FOXP2: variants seen among roughly 807,000 people sequenced by gnomAD.
The protein encoded by FOXP2 is forkhead box protein P2.
A neutral mutation model predicts 115.8 loss-of-function variants in FOXP2; 12 were observed. The ratio of observed to expected loss-of-function variants is 0.10; its 90% CI spans 0.07 to 0.17. The LOEUF (loss-of-function observed/expected upper bound fraction) is 0.17, where lower values mean the gene tolerates loss of function less well. Among genes scored for constraint, FOXP2 ranks in the 10% least tolerant of loss-of-function variants. The probability of loss-of-function intolerance (pLI) is 1.00; values close to 1 mark genes in which losing one functional copy is unlikely to be tolerated. For synonymous variants in FOXP2, 328 were observed against 297.7 expected, an observed-to-expected ratio of 1.10 and a Z score of -1.05; for missense variants, 629 against 843.5, an observed-to-expected ratio of 0.75 and a Z score of 3.15.
chr7:114,551,658 G>A (rs936636993), intron 3 of FOXP2, among the ~76,000 whole-genome samples: 4 of 152,000 alleles, frequency 2.6e-5, no homozygotes, highest in Non-Finnish European at 4.4e-5. Context: ...AAGGAAAATG[G>A]GAGAGTATCA....
At chr7:114,475,458 G>A (rs943790980) in intron 2 of FOXP2, among the ~76,000 whole-genome samples, 1 of 152,014 alleles carries the variant, frequency 6.6e-6, no homozygotes, top group Non-Finnish European at 1.5e-5. Flanking sequence ...GAAATTCTGT[G>A]CATATATGTT....
chr7:114,114,843 A>G (rs912866538), intron 1 of FOXP2, among the ~76,000 whole-genome samples: 6 of 152,156 alleles, frequency 3.9e-5, no homozygotes, highest in Admixed American at 6.6e-5. Context: ...ACTTGTATTA[A>G]ATAATCCAAG....
At chr7:114,367,043 G>A (rs1791898371) in intron 2 of FOXP2, among the ~76,000 whole-genome samples, 2 of 152,038 alleles carry the variant, frequency 1.3e-5, no homozygotes, top group Admixed American at 6.6e-5. Flanking sequence ...TGTGCATTGT[G>A]CAGAGGCTAA....
intron 10 of FOXP2, 111 bp downstream of exon 10, chr7:114,654,120 C>A: frequency 6.3e-7 from 1 of 1,587,198 alleles, no homozygotes. Context: ...AAAAATACGG[C>A]AATAAAATGA....
At chr7:114,161,741 C>A (rs1164567013), upstream of FOXP2, among the ~76,000 whole-genome samples, 1 of 151,970 alleles carries the variant, frequency 6.6e-6, no homozygotes, top group Non-Finnish European at 1.5e-5. Flanking sequence ...CAAGATAAGG[C>A]AAGGGGATGT....
chr7:114,504,391 T>C (rs1217621861), intron 2 of FOXP2, among the ~76,000 whole-genome samples: 2 of 151,616 alleles, frequency 1.3e-5, no homozygotes, highest in Non-Finnish European at 3.0e-5. Flanking sequence ...CCTGTACTTA[T>C]GTAGATTATA....
chr7:114,290,136 A>AT (rs1218742949), intron 2 of FOXP2, among the ~76,000 whole-genome samples: 2 of 151,832 alleles, frequency 1.3e-5, no homozygotes, highest in Non-Finnish European at 2.9e-5. Context: ...AAAATACTGG[A>AT]TTTTTTCTTC....
chr7:114,631,965 T>G (rs1319124361), intron 6 of FOXP2, among the ~76,000 whole-genome samples: 1 of 152,216 alleles, frequency 6.6e-6, no homozygotes, highest in Non-Finnish European at 1.5e-5. Context: ...GGGCACAAAA[T>G]GATTTATAAG....
intron 2 of FOXP2, among the ~76,000 whole-genome samples, chr7:114,444,824 A>T (rs1284680118): frequency 6.6e-6 from 1 of 152,148 alleles, no homozygotes; most frequent in Non-Finnish European, 1.5e-5. Context: ...TTAACATTTT[A>T]AAAGTTCAAA....
chr7:114,359,831 G>T (rs989516654), intron 2 of FOXP2, among the ~76,000 whole-genome samples: 2 of 152,296 alleles, frequency 1.3e-5, no homozygotes, highest in African/African-American at 2.4e-5. Flanking sequence ...GATTTTACAG[G>T]CTCATAGGTG....
chr7:114,347,322 A>G (rs1271082582), intron 2 of FOXP2, among the ~76,000 whole-genome samples: 2 of 151,994 alleles, frequency 1.3e-5, no homozygotes, highest in African/African-American at 4.8e-5. Context: ...ACGCACACAT[A>G]TAGATACATA....
chr7:114,358,491 T>A (rs142331530), intron 2 of FOXP2, among the ~76,000 whole-genome samples: 1,805 of 152,084 alleles, frequency 0.012, 22 homozygotes, highest in African/African-American at 0.031. Flanking sequence ...GACAGGAAAA[T>A]GTGGGAAAGT....
rs116106691 is a variant in FOXP2, at chr7:114,401,413, T to G, written c.-10-25089T>G. On this transcript the variant is annotated intron_variant, in intron 2 of 17. Transcript: ENST00000634411. ...TGAAGAGATGGAGGCATAAAAGTTA[T>G]CTCCTACTTGTCTTTTTCCCCTTCC... Among the ~76,000 whole-genome samples, 984 of 152,272 alleles carry G rather than the reference T, an allele frequency of 6.5e-3. 11 individuals are homozygous for G. The highest frequency in any genetic ancestry group is 0.022 in the African/African-American group (925 of 41,544).
At chr7:114,526,991 A>ATTT (rs200748852) in intron 2 of FOXP2, among the ~76,000 whole-genome samples, 1 of 128,836 alleles carries the variant, frequency 7.8e-6, no homozygotes, top group Non-Finnish European at 1.6e-5. Flanking sequence ...CCACTAATCT[A>ATTT]TTTTTTTTTT....
At chr7:114,472,574 C>G (rs1009228935) in intron 2 of FOXP2, among the ~76,000 whole-genome samples, 2 of 152,108 alleles carry the variant, frequency 1.3e-5, no homozygotes, top group Non-Finnish European at 2.9e-5. Context: ...TCTTGAACTC[C>G]TGACCTCAGG....
At chr7:114,430,085 A>T (rs1584725035) in intron 2 of FOXP2, among the ~76,000 whole-genome samples, 1 of 151,568 alleles carries the variant, frequency 6.6e-6, no homozygotes, top group Admixed American at 6.6e-5. Flanking sequence ...CTCTGTCCTT[A>T]TTGAAGTTTT....
intron 3 of FOXP2, among the ~76,000 whole-genome samples, chr7:114,615,232 A>G (rs1563035674): frequency 1.3e-5 from 2 of 152,152 alleles, no homozygotes; most frequent in African/African-American, 4.8e-5. Flanking sequence ...AAAAGATAAT[A>G]ATAATAATAC....
intron 1 of FOXP2, among the ~76,000 whole-genome samples, chr7:114,418,286 C>T (rs191732829): frequency 1.8e-4 from 27 of 152,026 alleles, no homozygotes; most frequent in African/African-American, 6.3e-4. Context: ...TCATTAAGAT[C>T]TATTGATGCA....
At chr7:114,243,340 C>T (rs907868532) in intron 1 of FOXP2, among the ~76,000 whole-genome samples, 1 of 151,220 alleles carries the variant, frequency 6.6e-6, no homozygotes, top group Non-Finnish European at 1.5e-5. Context: ...ACAGAGCACC[C>T]AATCAGGGAC....
Sources: gnomAD v4.1 joint callset for allele counts (sites outside exome capture counted in the v4.1 genomes callset) on GRCh38, gnomAD v4.1.1 for gene constraint, MANE v1.5 for transcripts, NCBI Gene and HGNC (gene_info 2026-07-23, HGNC 2026-07-21) for gene names.